HOXA6: variants seen among roughly 807,000 people sequenced by gnomAD.
The protein encoded by HOXA6 is homeobox A6.
A neutral mutation model predicts 23.2 loss-of-function variants in HOXA6; 19 were observed. The ratio of observed to expected loss-of-function variants is 0.82; its 90% CI spans 0.57 to 1.20. HOXA6 has a LOEUF of 1.20. Ranked by LOEUF, HOXA6 falls within the 50% of genes most tolerant of loss-of-function variation. HOXA6 has a pLI of 0.00. For missense variants in HOXA6, 346 were observed against 313.6 expected (o/e 1.10, Z -0.78); for synonymous variants, 140 against 132.6 (o/e 1.06, Z -0.38).
intron 1 of HOXA6, among the ~76,000 whole-genome samples, chr7:27,146,406 C>G (rs1782770740): frequency 6.6e-6 from 1 of 152,088 alleles, no homozygotes; most frequent in African/African-American, 2.4e-5. Context: ...AATGGTCAGC[C>G]CTCTTGAATC....
In HOXA6 at chr7:27,147,536, A is replaced by G; in HGVS notation, c.214T>C (p.Tyr72His). Residue 72 changes from tyrosine to histidine, a missense_variant, in exon 1 of 2, where the codon TAC becomes CAC. By Grantham distance (83) the Tyr-to-His change is moderately conservative. Transcript: ENST00000222728. ...TAGAAACACGAGGCCCCGTACTCGTAGGACGCCCGGTTGCAGGCCAGGACC... is the reference window on the plus strand; with the variant it reads ...TAGAAACACGAGGCCCCGTACTCGTGGGACGCCCGGTTGCAGGCCAGGACC... ...NSVLACNRAS[Y>H]EYGASCFYSD... 6.2e-7 allele frequency: 1 copy of G among 1,614,146 alleles called. No homozygotes were observed.
Position 27,145,464 on chromosome 7 carries a change from T to G in HOXA6, c.*194A>C. The G allele has an allele frequency of 1.5e-5, 10 of 673,428 alleles. No homozygotes were observed. Among genetic ancestry groups the G allele is most frequent in the East Asian group, 1.1e-4 (4 of 37,780 alleles). 41.7% of individuals were successfully genotyped at this position (673,428 alleles called of 1,614,324 possible). ...TGTGTGAGGTTTTGTTTTGTTTTGT[T>G]TTGTTTTGTTTTGTTTTGTTTTGTT... On this transcript the variant is annotated 3_prime_UTR_variant, in exon 2 of 2. Coordinates refer to ENST00000222728, the MANE Select transcript of HOXA6 (RefSeq NM_024014.4).
At position 27,145,796 on chromosome 7, in the gene HOXA6, G is replaced by C. The variant is rs773162689; in HGVS notation, c.564C>G (p.Ile188Met). 6.2e-7 allele frequency: 1 copy of C among 1,614,146 alleles called. No individual in the cohort carries two copies. The highest frequency in any genetic ancestry group is 1.1e-5 in the South Asian group (1 of 91,094). The change falls in exon 2 of 2, where the codon ATC (isoleucine) becomes ATG (methionine). Residue 188 changes from isoleucine (I) to methionine (M), a missense_variant. Ile to Met is a conservative substitution (Grantham distance 10, BLOSUM62 1). Transcript: ENST00000222728. ...RYLTRRRRIE[I>M]ANALCLTERQ... ...GCTCGGTGAGGCAGAGCGCGTTGGC[G>C]ATCTCGATGCGGCGGCGCCGTGTCA...
intron 1 of HOXA6, among the ~76,000 whole-genome samples, chr7:27,146,500 T>C (rs1782773768): frequency 6.6e-6 from 1 of 152,148 alleles, no homozygotes. Flanking sequence ...TGGAAAACAT[T>C]ATAATTTTAA....
In HOXA6 at chr7:27,145,936, G is replaced by A. The variant is rs747555299; in HGVS notation, c.443-19C>T. The A allele has an allele frequency of 3.3e-5, 53 of 1,606,224 alleles. No homozygotes were observed. Among genetic ancestry groups the A allele is most frequent in the Non-Finnish European group, 4.3e-5 (51 of 1,176,994 alleles). ...ACAGCACCTACGAGCAGAAACGGCCGGGCGCCGGTAAGCCAGGGCCTGGAG... is the reference window on the plus strand; with the variant it reads ...ACAGCACCTACGAGCAGAAACGGCCAGGCGCCGGTAAGCCAGGGCCTGGAG... On this transcript the variant is annotated intron_variant, in intron 1 of 1. Transcript: ENST00000222728.
In HOXA6 at chr7:27,145,874, G is replaced by A. The variant is rs1459770823; in HGVS notation, c.486C>T (p.Tyr162=). ...CCAGCTCCAGTGTCTGGTAGCGCGT[G>A]TAGGTCTGGCGGCCTCGGCGCCCAT... ...GSHGRRGRQT[Y]TRYQTLELEK... The change falls in exon 2 of 2, where the codon TAC becomes TAT. Residue 162 remains tyrosine (Y), a synonymous_variant. Transcript: ENST00000222728. The A allele has an allele frequency of 6.2e-7, 1 of 1,614,100 alleles. No homozygotes were observed. The highest frequency in any genetic ancestry group is 1.7e-5 in the Admixed American group (1 of 60,012).
At chr7:27,147,144 A>G in intron 1 of HOXA6, 164 bp downstream of exon 1, 1 of 720,730 alleles carries the variant, frequency 1.4e-6, no homozygotes, top group South Asian at 2.0e-5. Context: ...TGATAGCCCC[A>G]TTGGGAACTG....
intron 1 of HOXA6, among the ~76,000 whole-genome samples, chr7:27,146,729 A>G (rs1782780669): frequency 6.6e-6 from 1 of 152,118 alleles, no homozygotes; most frequent in Admixed American, 6.5e-5. Context: ...TGGGCTCAGA[A>G]GAGGGCAGAA....
At position 27,147,698 on chromosome 7, in the gene HOXA6, G is replaced by C; in HGVS notation, c.52C>G (p.Gln18Glu). Residue 18 changes from glutamine to glutamate, a missense_variant, in exon 1 of 2, where the codon CAG (glutamine) becomes GAG (glutamate). By Grantham distance (29) the Gln-to-Glu change is conservative. Coordinates refer to ENST00000222728, the MANE Select transcript of HOXA6 (RefSeq NM_024014.4). ...PTFPGSLPSGQDSFLGQLPLY... is the reference protein window; with the variant it reads ...PTFPGSLPSGEDSFLGQLPLY... Reference sequence around the variant, plus strand: ...GGCAGCTGGCCCAAGAAGGAGTCCTGGCCGCTGGGAAGGCTCCCGGGGAAA... The same window carrying C: ...GGCAGCTGGCCCAAGAAGGAGTCCTCGCCGCTGGGAAGGCTCCCGGGGAAA... 1 of 1,613,284 alleles carries C rather than the reference G, an allele frequency of 6.2e-7. No individual in the cohort carries two copies. Among genetic ancestry groups the C allele is most frequent in the Admixed American group, 1.7e-5 (1 of 60,026 alleles).
rs1209401473 is a variant in HOXA6, at chr7:27,147,389, T to C, written c.361A>G (p.Lys121Glu). 6.2e-6 allele frequency: 10 copies of C among 1,614,098 alleles called. No individual in the cohort carries two copies. Among genetic ancestry groups the C allele is most frequent in the Non-Finnish European group, 8.5e-6 (10 of 1,180,054 alleles). ...YKPDSSSGQG[K>E]ALHDEGADRK... The stretch of plus-strand genomic sequence containing the variant: ...TCGGCGCCTTCGTCATGGAGTGCTT[T>C]GCCCTGCCCGCTGCTGCTGTCGGGT... Residue 121 changes from lysine (K) to glutamate (E), a missense_variant, in exon 1 of 2, where the codon AAA becomes GAA. Transcript: ENST00000222728.
Position 27,145,758 on chromosome 7 carries a change from A to G in HOXA6, c.602T>C (p.Ile201Thr), listed in dbSNP as rs2128061921. The stretch of plus-strand genomic sequence containing the variant: ...CTTCATGCGGCGGTTCTGGAACCAG[A>G]TCTTGATCTGGCGCTCGGTGAGGCA... ...ALCLTERQIK[I>T]WFQNRRMKWK... Residue 201 changes from isoleucine to threonine, a missense_variant, in exon 2 of 2, where the codon ATC (isoleucine) becomes ACC (threonine). Ile to Thr is a moderately conservative substitution (Grantham distance 89). Coordinates refer to ENST00000222728, the MANE Select transcript of HOXA6 (RefSeq NM_024014.4). The G allele has an allele frequency of 6.2e-7, 1 of 1,614,142 alleles. No individual in the cohort carries two copies. The highest frequency in any genetic ancestry group is 2.2e-5 in the East Asian group (1 of 44,868).
Position 27,147,615 on chromosome 7 carries a change from C to G in HOXA6, c.135G>C (p.Ser45=). 4 of 1,614,190 alleles carry G rather than the reference C, an allele frequency of 2.5e-6. No individual in the cohort carries two copies. The highest frequency in any genetic ancestry group is 3.4e-6 in the Non-Finnish European group (4 of 1,180,040). The change falls in exon 1 of 2, where the codon TCG becomes TCC. Residue 45 remains serine, a synonymous_variant. Coordinates refer to ENST00000222728, the MANE Select transcript of HOXA6 (RefSeq NM_024014.4). ...AGGTGTACGTCTTGTCCGGGAGACT[C>G]GACGCCCCGTACGAGGCCGGGAAGG... ...LRPFPASYGA[S]SLPDKTYTSP... is the part of the protein sequence containing the mutation.
At position 27,147,462 on chromosome 7, in the gene HOXA6, C is replaced by T; in HGVS notation, c.288G>A (p.Gln96=). ...AGTGCAGGTAGTCCCCGGGGCCCCT[C>T]TGCTTGCCACTGCCCGAGGGCGAGG... is the stretch of plus-strand genomic sequence containing the variant. ...SGASPSGSGK[Q]RGPGDYLHFS... Residue 96 remains glutamine (Q), a synonymous_variant, in exon 1 of 2, where the codon CAG becomes CAA. Coordinates refer to ENST00000222728, the MANE Select transcript of HOXA6 (RefSeq NM_024014.4). 6.2e-7 allele frequency: 1 copy of T among 1,614,232 alleles called. No homozygotes were observed. Among genetic ancestry groups the T allele is most frequent in the Non-Finnish European group, 8.5e-7 (1 of 1,180,052 alleles).
chr7:27,146,251 TTGTGTG>T (rs10685970), intron 1 of HOXA6, among the ~76,000 whole-genome samples: 10 of 149,012 alleles, frequency 6.7e-5, no homozygotes, highest in African/African-American at 9.9e-5. Context: ...GTGTGTGTGT[TTGTGTG>T]TGTGTGTGTG....
chr7:27,147,148 G>A, intron 1 of HOXA6, 160 bp downstream of exon 1: 1 of 745,122 alleles, frequency 1.3e-6, no homozygotes, highest in Non-Finnish European at 2.1e-6. Context: ...AGCCCCATTG[G>A]GAACTGATTT....
In HOXA6 at chr7:27,147,325, C is replaced by A. The variant is rs139581191; in HGVS notation, c.425G>T (p.Arg142Leu). 6.2e-7 allele frequency: 1 copy of A among 1,613,800 alleles called. No individual in the cohort carries two copies. The highest frequency in any genetic ancestry group is 8.5e-7 in the Non-Finnish European group (1 of 1,179,940). ...TGTCTTACCCGCGCAGGAGTTCATCCGCTGCATCCAAGGGTAAACCGGGCT... is the reference window on the plus strand; with the variant it reads ...TGTCTTACCCGCGCAGGAGTTCATCAGCTGCATCCAAGGGTAAACCGGGCT... ...YTSPVYPWMQRMNSCAGAVYG... is the reference protein window; with the variant it reads ...YTSPVYPWMQLMNSCAGAVYG... The change falls in exon 1 of 2, where the codon CGG (arginine) becomes CTG (leucine). Residue 142 changes from arginine to leucine, a missense_variant. By Grantham distance (102) the Arg-to-Leu change is moderately radical (BLOSUM62 -2). Coordinates refer to ENST00000222728, the MANE Select transcript of HOXA6 (RefSeq NM_024014.4).
Position 27,145,718 on chromosome 7 carries a change from G to C in HOXA6, c.642C>G (p.Asn214Lys). 6.2e-7 allele frequency: 1 copy of C among 1,614,220 alleles called. No homozygotes were observed. Among genetic ancestry groups the C allele is most frequent in the Non-Finnish European group, 8.5e-7 (1 of 1,180,050 alleles). The change falls in exon 2 of 2, where the codon AAC (asparagine) becomes AAG (lysine). Residue 214 changes from asparagine (N) to lysine (K), a missense_variant. By Grantham distance (94) the Asn-to-Lys change is moderately conservative (BLOSUM62 0). Coordinates refer to ENST00000222728, the MANE Select transcript of HOXA6 (RefSeq NM_024014.4). Reference protein sequence around the residue: ...QNRRMKWKKENKLINSTQPSG... With the variant: ...QNRRMKWKKEKKLINSTQPSG... Reference sequence around the variant, plus strand: ...TGGGCTGCGTGGAATTGATGAGCTTGTTTTCCTTTTTCCACTTCATGCGGC... The same window carrying C: ...TGGGCTGCGTGGAATTGATGAGCTTCTTTTCCTTTTTCCACTTCATGCGGC...
chr7:27,145,417 G>C lies in HOXA6; in HGVS notation c.*241C>G. 3.3e-6 allele frequency: 2 copies of C among 610,150 alleles called. No homozygotes were observed. Among genetic ancestry groups the C allele is most frequent in the Admixed American group, 3.0e-5 (1 of 33,176 alleles). 37.8% of individuals were successfully genotyped at this position (610,150 alleles called of 1,614,324 possible). ...GGACTGGGTGTGTGCAGTGCGCCCC[G>C]CTCCACCGCTGGTATTGGCTGTGTG... On this transcript the variant is annotated 3_prime_UTR_variant, in exon 2 of 2. Coordinates refer to ENST00000222728, the MANE Select transcript of HOXA6 (RefSeq NM_024014.4).
In HOXA6 at chr7:27,147,455, G is replaced by A; in HGVS notation, c.295C>T (p.Pro99Ser). 1 of 1,614,206 alleles carries A rather than the reference G, an allele frequency of 6.2e-7. No individual in the cohort carries two copies. The highest frequency in any genetic ancestry group is 8.5e-7 in the Non-Finnish European group (1 of 1,180,040). ...SPSGSGKQRGPGDYLHFSPEQ... is the reference protein window; with the variant it reads ...SPSGSGKQRGSGDYLHFSPEQ... ...GGAGAAAAGTGCAGGTAGTCCCCGGGGCCCCTCTGCTTGCCACTGCCCGAG... is the reference window on the plus strand; with the variant it reads ...GGAGAAAAGTGCAGGTAGTCCCCGGAGCCCCTCTGCTTGCCACTGCCCGAG... Residue 99 changes from proline to serine, a missense_variant, in exon 1 of 2, where the codon CCC (proline) becomes TCC (serine). Physicochemically the swap from Pro to Ser is moderately conservative, Grantham distance 74. Transcript: ENST00000222728.
Sources: allele counts gnomAD v4.1 joint callset (sites outside exome capture counted in the v4.1 genomes callset), GRCh38; gene constraint gnomAD v4.1.1; transcripts MANE v1.5; gene names NCBI Gene and HGNC (gene_info 2026-07-23, HGNC 2026-07-21).